GLMN: variants seen among roughly 807,000 people sequenced by gnomAD.
GLMN encodes the protein glomulin.
Under a neutral mutation model 87.8 loss-of-function variants are expected in GLMN, and 75 were observed. That is an observed-to-expected ratio of 0.85 (90% CI 0.71 to 1.04). The LOEUF (loss-of-function observed/expected upper bound fraction) is 1.04, where lower values mean the gene tolerates loss of function less well. GLMN is among the 50% of genes least tolerant of loss of function. The pLI is 0.00. For synonymous variants in GLMN, 206 were observed against 221.6 expected, an observed-to-expected ratio of 0.93 and a Z score of 0.63; for missense variants, 588 against 658.8, an observed-to-expected ratio of 0.89 and a Z score of 1.18.
At position 92,261,871 on chromosome 1, in the gene GLMN, C is replaced by T. The variant is rs1424145706; in HGVS notation, c.1473+992G>A. On this transcript the variant is annotated intron_variant, in intron 16 of 18. Coordinates refer to ENST00000370360, the MANE Select transcript of GLMN (RefSeq NM_053274.3). ...TGATAGATACATGATGAAGTTAGTA[C>T]AGTAGAATCATAGACTCTAGGTGGT... is the stretch of plus-strand genomic sequence containing the variant. 4.1e-5 allele frequency among the ~76,000 whole-genome samples: 4 copies of T among 97,754 alleles called. No individual in the cohort carries two copies. The East Asian group carries it at 2.4e-3, about 59-fold the overall frequency. 64.1% of individuals were successfully genotyped at this position (97,754 alleles called of 152,430 possible).
chr1:92,251,423 CCATATCT>C (rs1653476180), intron 16 of GLMN, among the ~76,000 whole-genome samples: 1 of 151,922 alleles, frequency 6.6e-6, no homozygotes, highest in Non-Finnish European at 1.5e-5. Context: ...ATCTCTCAAC[CCATATCT>C]CATATCATAA....
chr1:92,331,899 T>C, the GLMN span, among the ~76,000 whole-genome samples: 1 of 152,198 alleles, frequency 6.6e-6, no homozygotes, highest in East Asian at 1.9e-4. Flanking sequence ...TTTTTCTATA[T>C]TGAATTTTAG....
At chr1:92,321,926 G>T in the GLMN span, among the ~76,000 whole-genome samples, 1 of 138,394 alleles carries the variant, frequency 7.2e-6, no homozygotes, top group Admixed American at 7.3e-5. Flanking sequence ...TTAAGAAACC[G>T]ATAATGAAAT....
intron 7 of GLMN, among the ~76,000 whole-genome samples, chr1:92,286,164 CTAT>C (rs776562659): frequency 8.6e-5 from 13 of 151,260 alleles, no homozygotes; most frequent in East Asian, 7.7e-4. Flanking sequence ...CCATGGAACA[CTAT>C]TAAGCCAATG....
At chr1:92,335,881 CA>C in the GLMN span, among the ~76,000 whole-genome samples, 1 of 152,126 alleles carries the variant, frequency 6.6e-6, no homozygotes, top group East Asian at 1.9e-4. Context: ...AAATTTTTTT[CA>C]TAGTAAAACT....
intron 8 of GLMN, 48 bp from the exon 9 acceptor site, chr1:92,269,824 A>G (rs1332700373): frequency 1.7e-6 from 2 of 1,153,098 alleles, no homozygotes; most frequent in Admixed American, 1.7e-5. Flanking sequence ...ACACACAGAG[A>G]TATGTACACA....
chr1:92,345,772 T>C, the GLMN span: 1 of 922,714 alleles, frequency 1.1e-6, no homozygotes, highest in Non-Finnish European at 1.7e-6. Context: ...ATTATAAATC[T>C]GATGTTATCT....
In GLMN at chr1:92,291,236, T is replaced by C. The variant is rs72958774; in HGVS notation, c.285+182A>G. ...TAGACAATTCTTTTATCCAGAAAATTTGGGAAATCCTGAAATGGAATTGCC... is the reference window on the plus strand; with the variant it reads ...TAGACAATTCTTTTATCCAGAAAATCTGGGAAATCCTGAAATGGAATTGCC... On this transcript the variant is annotated intron_variant, in intron 4 of 18. Transcript: ENST00000370360. 0.053 allele frequency among the ~76,000 whole-genome samples: 8,072 copies of C among 152,276 alleles called. 575 individuals are homozygous for C. Among genetic ancestry groups the C allele is most frequent in the African/African-American group, 0.17 (7,027 of 41,534 alleles).
At chr1:92,293,472 A>G (rs772108498) in intron 3 of GLMN, among the ~76,000 whole-genome samples, 24 of 152,174 alleles carry the variant, frequency 1.6e-4, no homozygotes, top group Non-Finnish European at 3.5e-4. Flanking sequence ...CTCCCGGCTA[A>G]TTTTTTGTAT....
At chr1:92,249,203 G>A (rs1371555035) in intron 16 of GLMN, among the ~76,000 whole-genome samples, 4 of 149,614 alleles carry the variant, frequency 2.7e-5, no homozygotes, top group Non-Finnish European at 5.9e-5. Context: ...ATGTACAGAC[G>A]TATTAACCCA....
chr1:92,280,754 A>G (rs1188762229), intron 7 of GLMN, among the ~76,000 whole-genome samples: 2 of 152,196 alleles, frequency 1.3e-5, no homozygotes, highest in Admixed American at 1.3e-4. Flanking sequence ...TAGAATAAAC[A>G]GTGTAGAGAA....
upstream of GLMN, chr1:92,303,929 A>G (rs1173607913): frequency 3.1e-6 from 4 of 1,307,922 alleles, no homozygotes; most frequent in African/African-American, 5.9e-5. Flanking sequence ...CTGATAAATG[A>G]ACTTTTCTAT....
At chr1:92,305,365 G>A in the GLMN span, among the ~76,000 whole-genome samples, 36 of 141,626 alleles carry the variant, frequency 2.5e-4, 1 homozygote, top group African/African-American at 9.6e-4. Flanking sequence ...CCCGGGAGGC[G>A]GAGCTTGCAG....
the GLMN span, chr1:92,323,852 C>T: frequency 2.7e-3 from 4,417 of 1,613,846 alleles, 96 homozygotes; most frequent in African/African-American, 0.048. Context: ...AGATTAAAAG[C>T]GTCAGAAAAT....
intron 6 of GLMN, among the ~76,000 whole-genome samples, chr1:92,288,294 T>G (rs1458327127): frequency 6.6e-6 from 1 of 152,188 alleles, no homozygotes; most frequent in South Asian, 2.1e-4. Flanking sequence ...CAGAGCTACC[T>G]ATATCTATTT....
the GLMN span, among the ~76,000 whole-genome samples, chr1:92,309,846 TAACAA>T: frequency 1.5e-3 from 221 of 152,272 alleles, no homozygotes; most frequent in South Asian, 0.018. Flanking sequence ...AACGAGAAGA[TAACAA>T]TAGGTAAATA....
the GLMN span, among the ~76,000 whole-genome samples, chr1:92,333,089 CAGCACT>C: frequency 6.6e-6 from 1 of 152,072 alleles, no homozygotes; most frequent in South Asian, 2.1e-4. Flanking sequence ...TACATTTGTA[CAGCACT>C]TAGCAGTTTA....
intron 9 of GLMN, among the ~76,000 whole-genome samples, chr1:92,269,085 A>T (rs1386275008): frequency 1.3e-5 from 2 of 151,142 alleles, no homozygotes; most frequent in Non-Finnish European, 2.9e-5. Flanking sequence ...CTCCTGGCTA[A>T]TTTTTTCTAT....
In GLMN at chr1:92,246,599, T is replaced by C. The variant is rs781123070; in HGVS notation, c.1716A>G (p.Leu572=). 1.9e-6 allele frequency: 3 copies of C among 1,598,308 alleles called. No individual in the cohort carries two copies. Among genetic ancestry groups the C allele is most frequent in the African/African-American group, 2.7e-5 (2 of 74,656 alleles). The change falls in exon 19 of 19, where the codon CTA becomes CTG. Residue 572 remains leucine, a synonymous_variant. Transcript: ENST00000370360. The stretch of plus-strand genomic sequence containing the variant: ...TTTCAATGAGTTCTTCCACTCGAGC[T>C]AGAACACTTTCAATCAAATCAAATG... The part of the protein sequence containing the change: ...LFTFDLIESV[L]ARVEELIEIK...
Sources: gnomAD v4.1 joint callset for allele counts (sites outside exome capture counted in the v4.1 genomes callset) on GRCh38, gnomAD v4.1.1 for gene constraint, MANE v1.5 for transcripts, NCBI Gene and HGNC (gene_info 2026-07-23, HGNC 2026-07-21) for gene names.